Variants in TEX11 observed in about 807,000 individuals in gnomAD.
TEX11 encodes testis expressed 11, also known as testis-expressed protein 11.
A neutral mutation model predicts 84.4 loss-of-function variants in TEX11; 7 were observed. The ratio of observed to expected loss-of-function variants is 0.08; its 90% CI spans 0.05 to 0.16. The LOEUF (loss-of-function observed/expected upper bound fraction) is 0.16. TEX11 is among the 10% of genes least tolerant of loss of function. TEX11 has a pLI of 1.00. For synonymous variants in TEX11, 264 were observed against 222.8 expected, an observed-to-expected ratio of 1.18 and a Z score of -1.64; for missense variants, 551 against 660.5, an observed-to-expected ratio of 0.83 and a Z score of 1.82.
At chrX:70,558,223 T>C (rs1259706143) in intron 25 of TEX11, among the ~76,000 whole-genome samples, 1 of 110,930 alleles carries the variant, frequency 9.0e-6, no homozygotes, top group Non-Finnish European at 1.9e-5. Context: ...CATAAGGATA[T>C]ATATATATAT....
intron 24 of TEX11, among the ~76,000 whole-genome samples, chrX:70,601,493 A>G: frequency 1.0e-5 from 1 of 97,418 alleles, no homozygotes; most frequent in Non-Finnish European, 2.1e-5. Context: ...ATAGAAAAAG[A>G]GGGAATCCTC....
At chrX:70,528,909 T>G (rs371030034), downstream of TEX11, 16 of 434,666 alleles carry the variant, frequency 3.7e-5, no homozygotes, top group Middle Eastern at 6.2e-4. Context: ...GAAAATTCAT[T>G]TGTCCCCCAG....
chrX:70,679,374 T>A (rs1472838819), intron 14 of TEX11, among the ~76,000 whole-genome samples: 1 of 108,828 alleles, frequency 9.2e-6, no homozygotes, highest in Non-Finnish European at 1.9e-5. Flanking sequence ...GTCTGGGAAG[T>A]GAGGAGCGTC....
chrX:70,691,917 T>A (rs1388207168), intron 13 of TEX11, among the ~76,000 whole-genome samples: 2 of 109,009 alleles, frequency 1.8e-5, no homozygotes, highest in Non-Finnish European at 1.9e-5. Context: ...ACATTAAATA[T>A]ACACAATTTT....
intron 25 of TEX11, among the ~76,000 whole-genome samples, chrX:70,567,148 G>A (rs372925695): frequency 2.7e-5 from 3 of 110,817 alleles, no homozygotes; most frequent in South Asian, 3.9e-4. Context: ...TGTATGTGTC[G>A]AGGAATTTAT....
At chrX:70,784,164 C>G (rs1352012732) in intron 9 of TEX11, among the ~76,000 whole-genome samples, 2 of 112,032 alleles carry the variant, frequency 1.8e-5, no homozygotes, top group Non-Finnish European at 3.8e-5. Context: ...GGATGCAAGG[C>G]TGGTTGAACG....
intron 13 of TEX11, among the ~76,000 whole-genome samples, chrX:70,688,136 C>T (rs2090204127): frequency 9.0e-6 from 1 of 111,198 alleles, no homozygotes; most frequent in Non-Finnish European, 1.9e-5. Context: ...ATTCAAAGAG[C>T]GGTGCAAACT....
At chrX:70,551,279 T>C (rs2088210011) in intron 28 of TEX11, among the ~76,000 whole-genome samples, 1 of 110,970 alleles carries the variant, frequency 9.0e-6, no homozygotes, top group South Asian at 3.8e-4. Context: ...AATGTGGAAA[T>C]GGTTAATAGG....
chrX:70,623,669 T>C (rs1173328737), intron 20 of TEX11, among the ~76,000 whole-genome samples: 1 of 111,969 alleles, frequency 8.9e-6, no homozygotes, highest in East Asian at 2.8e-4. Context: ...GCCTTTTAGA[T>C]GTTTTAACTC....
chrX:70,895,480 C>A (rs1268737409), intron 2 of TEX11, among the ~76,000 whole-genome samples: 2 of 111,769 alleles, frequency 1.8e-5, no homozygotes, highest in Non-Finnish European at 3.8e-5. Flanking sequence ...GCTATTCCTA[C>A]TAAGCTATCA....
rs187899693 is a variant in TEX11 at position 70,833,664 on chromosome X, A to C, written c.526-71T>G. On this transcript the variant is annotated intron_variant, in intron 7 of 29. Transcript: ENST00000374333. Reference sequence around the variant, plus strand: ...TATTTGTCTCTAAGTCAATTTTAGCATATTTTAACTAGTGTTTAAAAGTCT... The same window carrying C: ...TATTTGTCTCTAAGTCAATTTTAGCCTATTTTAACTAGTGTTTAAAAGTCT... The C allele has an allele frequency of 8.0e-5, 67 of 837,652 alleles. No individual in the cohort carries two copies. The East Asian group carries it at 2.0e-3, about 25-fold the overall frequency. 69.0% of individuals were successfully genotyped at this position (837,652 alleles called of 1,213,427 possible). A position where few individuals can be genotyped will look rare whatever the true frequency, so the allele number is the denominator to read the frequency against.
intron 17 of TEX11, among the ~76,000 whole-genome samples, chrX:70,644,572 C>A (rs1211842412): frequency 9.5e-6 from 1 of 105,081 alleles, no homozygotes; most frequent in Admixed American, 1.0e-4. Flanking sequence ...CACATATACA[C>A]CATGGAATAC....
chrX:70,902,372 T>C (rs1384146511), intron 2 of TEX11, among the ~76,000 whole-genome samples: 2 of 111,755 alleles, frequency 1.8e-5, no homozygotes, highest in Non-Finnish European at 3.8e-5. Flanking sequence ...GAGTGGTGAA[T>C]ATATGTGAAG....
chrX:70,884,770 G>T (rs908733346), intron 2 of TEX11, among the ~76,000 whole-genome samples: 1 of 110,046 alleles, frequency 9.1e-6, no homozygotes, highest in South Asian at 4.0e-4. Flanking sequence ...TTGTAGTTCT[G>T]AGCAGTGTCC....
intron 24 of TEX11, among the ~76,000 whole-genome samples, chrX:70,593,006 T>C (rs901300830): frequency 9.1e-6 from 1 of 109,778 alleles, no homozygotes; most frequent in African/African-American, 3.3e-5. Flanking sequence ...CAAAGGGGTC[T>C]TCTTTTAATT....
chrX:70,862,018 G>A (rs903934510), intron 4 of TEX11, among the ~76,000 whole-genome samples: 4 of 109,172 alleles, frequency 3.7e-5, no homozygotes, highest in Admixed American at 3.0e-4. Flanking sequence ...AGGGGGTCTC[G>A]CTCTGTCACT....
chrX:70,670,242 A>G, intron 16 of TEX11, 135 bp downstream of exon 16: 1 of 654,506 alleles, frequency 1.5e-6, no homozygotes. Flanking sequence ...GAAAATGTCA[A>G]TTTGACCTTG....
chrX:70,839,842 G>A (rs1022837076), intron 7 of TEX11, among the ~76,000 whole-genome samples: 2 of 111,961 alleles, frequency 1.8e-5, no homozygotes, highest in Non-Finnish European at 3.8e-5. Context: ...CGTGATGAAC[G>A]CAGAAGCCTC....
chrX:70,759,155 C>T (rs907930653), intron 9 of TEX11, among the ~76,000 whole-genome samples: 1 of 111,512 alleles, frequency 9.0e-6, no homozygotes, highest in African/African-American at 3.3e-5. Context: ...AAGTCCAGGA[C>T]CAGACGGACT....
Sources: gnomAD v4.1 joint callset for allele counts (sites outside exome capture counted in the v4.1 genomes callset) on GRCh38, gnomAD v4.1.1 for gene constraint, MANE v1.5 for transcripts, NCBI Gene and HGNC (gene_info 2026-07-23, HGNC 2026-07-21) for gene names.